The following SMIM17 variants were observed in gnomAD, a reference collection of about 807,000 sequenced individuals.
SMIM17 encodes the protein small integral membrane protein 17.
Under a neutral mutation model 12.2 loss-of-function variants are expected in SMIM17, and 10 were observed. That is an observed-to-expected ratio of 0.82 (90% CI 0.50 to 1.39). The LOEUF (loss-of-function observed/expected upper bound fraction) is 1.39. Among genes scored for constraint, SMIM17 ranks in the 40% most tolerant of loss-of-function variants. The pLI is 0.00. For missense variants in SMIM17, 136 were observed against 118.2 expected, an observed-to-expected ratio of 1.15 and a Z score of -0.70; for synonymous variants, 50 against 44.1, an observed-to-expected ratio of 1.13 and a Z score of -0.53.
At chr19:56,650,046 G>A (rs1199041326) in intron 3 of SMIM17, among the ~76,000 whole-genome samples, 2 of 152,206 alleles carry the variant, frequency 1.3e-5, no homozygotes, top group African/African-American at 4.8e-5. Context: ...ATGTGGCTGG[G>A]GTTAGAGTTT....
chr19:56,651,703 T>C (rs2045110513), intron 3 of SMIM17, among the ~76,000 whole-genome samples: 1 of 152,072 alleles, frequency 6.6e-6, no homozygotes, highest in South Asian at 2.1e-4. Context: ...ATGATCTGCT[T>C]CCTGTTTGGG....
intron 2 of SMIM17, 125 bp from the exon 3 acceptor site, chr19:56,647,432 AG>A (rs2045073027): frequency 5.2e-6 from 2 of 387,084 alleles, no homozygotes; most frequent in African/African-American, 7.2e-5. Context: ...AGAGAGAGAG[AG>A]AGAGAGAGAG....
At chr19:56,650,430 C>T (rs1176804177) in intron 3 of SMIM17, among the ~76,000 whole-genome samples, 3 of 152,134 alleles carry the variant, frequency 2.0e-5, no homozygotes, top group South Asian at 4.1e-4. Context: ...CCTCGGCCTC[C>T]GAAAGTGCTG....
intron 2 of SMIM17, among the ~76,000 whole-genome samples, chr19:56,646,209 C>G (rs571204573): frequency 1.3e-5 from 2 of 152,264 alleles, no homozygotes; most frequent in South Asian, 2.1e-4. Flanking sequence ...GGCCATGTGT[C>G]TCCAGCAGGA....
chr19:56,648,624 A>G (rs1031598669), intron 3 of SMIM17, among the ~76,000 whole-genome samples: 3 of 151,940 alleles, frequency 2.0e-5, no homozygotes, highest in African/African-American at 7.3e-5. Context: ...ACATTCATTC[A>G]TCCATCTGTA....
chr19:56,648,261 A>C (rs1006244526), intron 3 of SMIM17, among the ~76,000 whole-genome samples: 8 of 148,422 alleles, frequency 5.4e-5, no homozygotes, highest in African/African-American at 2.0e-4. Flanking sequence ...CCACCCTCTC[A>C]CCTTTCCATT....
rs893761533 is a variant in SMIM17, at chr19:56,645,734, C to T, written c.67C>T (p.Pro23Ser). ...GCCTGAGAGGACCAAGACTCTGCTG[C>T]CTCGGGAGAGCCGGGCCTGGGAGAA... Reference protein sequence around the residue: ...LEPERTKTLLPRESRAWEKPP... With the variant: ...LEPERTKTLLSRESRAWEKPP... The change falls in exon 2 of 4, where the codon CCT becomes TCT. Residue 23 changes from proline (P) to serine (S), a missense_variant. By Grantham distance (74) the Pro-to-Ser change is moderately conservative (BLOSUM62 -1). Coordinates refer to ENST00000598409, the MANE Select transcript of SMIM17 (RefSeq NM_001193628.2). 3.9e-6 allele frequency: 6 copies of T among 1,535,694 alleles called. No individual in the cohort carries two copies. The highest frequency in any genetic ancestry group is 5.2e-6 in the Non-Finnish European group (6 of 1,146,812).
At chr19:56,647,420 T>TGAGAGAGA (rs72370552) in intron 2 of SMIM17, 138 bp from the exon 3 acceptor site, 436 of 548,458 alleles carry the variant, frequency 7.9e-4, no homozygotes, top group African/African-American at 1.0e-3. Context: ...AGAAGGAGGG[T>TGAGAGAGA]GAGAGAGAGA....
At position 56,656,736 on chromosome 19, in the gene SMIM17, GCT is replaced by G. The variant is rs757761037; in HGVS notation, c.*1524_*1525del. 1.3e-5 allele frequency among the ~76,000 whole-genome samples: 2 copies of G among 152,156 alleles called. No homozygotes were observed. Among genetic ancestry groups the G allele is most frequent in the Non-Finnish European group, 2.9e-5 (2 of 68,012 alleles). ...TTACATTGTAGTGTTTCTAAAGAGT[GCT>G]TTGAAACTCAGTGATTTGGTTTATT... On this transcript the variant is annotated 3_prime_UTR_variant, in exon 4 of 4. Transcript: ENST00000598409.
At position 56,656,106 on chromosome 19, in the gene SMIM17, A is replaced by G. The variant is rs1194232175; in HGVS notation, c.*893A>G. On this transcript the variant is annotated 3_prime_UTR_variant, in exon 4 of 4. Coordinates refer to ENST00000598409, the MANE Select transcript of SMIM17 (RefSeq NM_001193628.2). ...ACTACAGGCGCCCACCACCATGCCC[A>G]GCTAATTTTTTGTATTTTTAGTAGA... Among the ~76,000 whole-genome samples, 4 of 151,612 alleles carry G rather than the reference A, an allele frequency of 2.6e-5. No individual in the cohort carries two copies. Among genetic ancestry groups the G allele is most frequent in the Non-Finnish European group, 5.9e-5 (4 of 67,904 alleles).
intron 1 of SMIM17, among the ~76,000 whole-genome samples, chr19:56,644,017 C>A (rs915367266): frequency 6.6e-6 from 1 of 151,932 alleles, no homozygotes; most frequent in Non-Finnish European, 1.5e-5. Flanking sequence ...AATCTCCTCC[C>A]CCCACCATAC....
At chr19:56,644,099 T>C (rs1017041908) in intron 1 of SMIM17, among the ~76,000 whole-genome samples, 1 of 152,102 alleles carries the variant, frequency 6.6e-6, no homozygotes, top group African/African-American at 2.4e-5. Flanking sequence ...CTTGACCTGA[T>C]GGCTGTCGTC....
intron 2 of SMIM17, among the ~76,000 whole-genome samples, chr19:56,646,179 G>C (rs1420311839): frequency 6.6e-6 from 1 of 152,124 alleles, no homozygotes; most frequent in Non-Finnish European, 1.5e-5. Context: ...CTGTTGGCTG[G>C]CTTGGTGGTG....
At chr19:56,647,267 C>T (rs1293778106) in intron 2 of SMIM17, among the ~76,000 whole-genome samples, 4 of 152,000 alleles carry the variant, frequency 2.6e-5, no homozygotes, top group African/African-American at 4.8e-5. Flanking sequence ...CATCAGGTGA[C>T]CCAGTTGAAG....
rs531122126 is a variant in SMIM17 at position 56,656,679 on chromosome 19, G to A, written c.*1466G>A. On this transcript the variant is annotated 3_prime_UTR_variant, in exon 4 of 4. Coordinates refer to ENST00000598409, the MANE Select transcript of SMIM17 (RefSeq NM_001193628.2). ...TTGATTATTCATTTTTGTTTATGTT[G>A]TCTAAAAATTACATTGTAGTGTGTC... Among the ~76,000 whole-genome samples, 1 of 152,118 alleles carries A rather than the reference G, an allele frequency of 6.6e-6. No individual in the cohort carries two copies. The highest frequency in any genetic ancestry group is 1.5e-5 in the Non-Finnish European group (1 of 68,022).
chr19:56,647,323 A>G (rs914216360), intron 2 of SMIM17, among the ~76,000 whole-genome samples: 15 of 151,882 alleles, frequency 9.9e-5, no homozygotes, highest in Middle Eastern at 3.4e-3. Context: ...TCATTCTCTC[A>G]GCCCCATCTG....
At chr19:56,654,251 T>A (rs1861220) in intron 3 of SMIM17, among the ~76,000 whole-genome samples, 50,573 of 152,036 alleles carry the variant, frequency 0.33, 10,064 homozygotes, top group East Asian at 0.64. Context: ...ACAAGGGGCA[T>A]GCATAGTGCA....
In SMIM17 at chr19:56,645,572, C is replaced by T. The variant is rs1376072693; in HGVS notation, c.-96C>T. ...GAATGATGAAATGTCCATCAGTCCT[C>T]AGGTTCTGAATCTTGTGCCTGGAGA... On this transcript the variant is annotated 5_prime_UTR_variant, in exon 2 of 4. Coordinates refer to ENST00000598409, the MANE Select transcript of SMIM17 (RefSeq NM_001193628.2). 13 of 1,200,396 alleles carry T rather than the reference C, an allele frequency of 1.1e-5. No individual in the cohort carries two copies. Among genetic ancestry groups the T allele is most frequent in the Non-Finnish European group, 1.2e-5 (11 of 895,790 alleles). The allele number at this position is 1,200,396 out of a possible 1,614,324, so 74.4% of individuals were successfully genotyped here.
chr19:56,653,525 T>A (rs1486029905), intron 3 of SMIM17, among the ~76,000 whole-genome samples: 1 of 152,232 alleles, frequency 6.6e-6, no homozygotes, highest in African/African-American at 2.4e-5. Flanking sequence ...CAGAAGACAA[T>A]GCTACAATGA....
Sources: gnomAD v4.1 joint callset for allele counts (sites outside exome capture counted in the v4.1 genomes callset) on GRCh38, gnomAD v4.1.1 for gene constraint, MANE v1.5 for transcripts, NCBI Gene and HGNC (gene_info 2026-07-23, HGNC 2026-07-21) for gene names.